Variants in B3GALT1 observed in about 807,000 individuals in gnomAD.
B3GALT1 encodes the protein UDP-Gal:betaGlcNAc beta 1,3-galactosyltransferase, polypeptide 1.
A neutral mutation model predicts 23.2 loss-of-function variants in B3GALT1; 10 were observed. The ratio of observed to expected loss-of-function variants is 0.43; its 90% CI spans 0.27 to 0.73. B3GALT1 has a LOEUF of 0.73. Among genes scored for constraint, B3GALT1 ranks in the 30% least tolerant of loss-of-function variants. The pLI is 0.21. For missense variants in B3GALT1, 299 were observed against 405.4 expected (o/e 0.74, Z 2.25); for synonymous variants, 156 against 141.5 (o/e 1.10, Z -0.73).
intron 1 of B3GALT1, among the ~76,000 whole-genome samples, chr2:167,488,213 T>C (rs1461581839): frequency 6.6e-6 from 1 of 152,230 alleles, no homozygotes; most frequent in Non-Finnish European, 1.5e-5. Context: ...CACCAATATT[T>C]TCAGCACACA....
chr2:167,406,884 A>G (rs1698287338), intron 1 of B3GALT1, among the ~76,000 whole-genome samples: 1 of 152,160 alleles, frequency 6.6e-6, no homozygotes. Flanking sequence ...TTCAGGACTG[A>G]CAGTACTTCA....
intron 1 of B3GALT1, among the ~76,000 whole-genome samples, chr2:167,350,535 T>C (rs538161459): frequency 6.9e-4 from 105 of 152,296 alleles, no homozygotes; most frequent in Middle Eastern, 3.4e-3. Context: ...ACAGATTGCA[T>C]TGCATGCAGA....
chr2:167,850,163 T>G (rs949171002), intron 4 of B3GALT1, among the ~76,000 whole-genome samples: 3 of 152,078 alleles, frequency 2.0e-5, no homozygotes, highest in African/African-American at 7.2e-5. Context: ...AGGACTAATA[T>G]CCAGAATCTA....
chr2:167,385,287 G>A (rs1016618940), intron 1 of B3GALT1, among the ~76,000 whole-genome samples: 2 of 152,024 alleles, frequency 1.3e-5, no homozygotes, highest in Admixed American at 6.6e-5. Flanking sequence ...CCCACATTCT[G>A]CTTCCCCAAG....
intron 3 of B3GALT1, among the ~76,000 whole-genome samples, chr2:167,680,513 AT>A (rs771909999): frequency 1.3e-4 from 19 of 150,110 alleles, no homozygotes; most frequent in Non-Finnish European, 2.5e-4. Context: ...TAATGACCAA[AT>A]TTTTTTTTTG....
At chr2:167,577,242 A>G (rs947638544) in intron 2 of B3GALT1, among the ~76,000 whole-genome samples, 1 of 151,854 alleles carries the variant, frequency 6.6e-6, no homozygotes, top group Non-Finnish European at 1.5e-5. Context: ...CACCCTACTC[A>G]TCATACTACA....
At chr2:167,443,391 G>A (rs1178472616) in intron 1 of B3GALT1, among the ~76,000 whole-genome samples, 1 of 152,190 alleles carries the variant, frequency 6.6e-6, no homozygotes, top group Non-Finnish European at 1.5e-5. Context: ...CTTTAAAGTA[G>A]TTTCTTCCAA....
chr2:167,308,667 A>AT (rs899555885), intron 1 of B3GALT1, among the ~76,000 whole-genome samples: 26 of 151,740 alleles, frequency 1.7e-4, no homozygotes, highest in African/African-American at 3.9e-4. Flanking sequence ...TTCTTCTAAG[A>AT]TTTTTTTTAA....
chr2:167,844,044 ATATC>A (rs1689705930), intron 4 of B3GALT1, among the ~76,000 whole-genome samples: 1 of 152,236 alleles, frequency 6.6e-6, no homozygotes, highest in Admixed American at 6.5e-5. Flanking sequence ...ATTAGACGAA[ATATC>A]TAATAACAGT....
intron 1 of B3GALT1, among the ~76,000 whole-genome samples, chr2:167,448,301 T>G (rs1175336380): frequency 2.0e-5 from 3 of 152,188 alleles, no homozygotes; most frequent in Admixed American, 2.0e-4. Flanking sequence ...TTTAATCTTT[T>G]GATTATGGTC....
chr2:167,635,150 C>A (rs1472620021), intron 2 of B3GALT1, among the ~76,000 whole-genome samples: 3 of 151,942 alleles, frequency 2.0e-5, no homozygotes, highest in African/African-American at 7.2e-5. Context: ...AATTCAACAC[C>A]CCCTTTATGC....
intron 1 of B3GALT1, among the ~76,000 whole-genome samples, chr2:167,347,047 A>G (rs902648728): frequency 6.6e-6 from 1 of 152,182 alleles, no homozygotes; most frequent in Non-Finnish European, 1.5e-5. Context: ...TAATATCCCA[A>G]TGCAATCATT....
intron 3 of B3GALT1, among the ~76,000 whole-genome samples, chr2:167,734,184 A>G (rs1411982729): frequency 5.3e-5 from 8 of 152,326 alleles, no homozygotes; most frequent in Middle Eastern, 3.4e-3. Context: ...ATTCAGTAAC[A>G]TAAGTCCAGG....
chr2:167,307,734 G>A (rs1696571051), intron 1 of B3GALT1, among the ~76,000 whole-genome samples: 1 of 151,844 alleles, frequency 6.6e-6, no homozygotes, highest in Admixed American at 6.6e-5. Flanking sequence ...GTACTGTTTA[G>A]GGATGTCTCT....
chr2:167,609,935 A>G (rs1370510884), intron 2 of B3GALT1, among the ~76,000 whole-genome samples: 4 of 152,142 alleles, frequency 2.6e-5, no homozygotes, highest in East Asian at 1.9e-4. Flanking sequence ...TTCACTAGAG[A>G]GAAATAGAAA....
rs1689043856 is a variant in B3GALT1, at chr2:167,818,660, G to A, written c.-351-12G>A. On this transcript the variant is annotated splice_polypyrimidine_tract_variant and intron_variant, in intron 3 of 4. Transcript: ENST00000392690. ...ATTTCTAAATTTTTCTCTCTTCTTGGTGTCCACTTAGGGCTACGCAGCTTG... is the reference window on the plus strand; with the variant it reads ...ATTTCTAAATTTTTCTCTCTTCTTGATGTCCACTTAGGGCTACGCAGCTTG... 1.3e-5 allele frequency among the ~76,000 whole-genome samples: 2 copies of A among 151,806 alleles called. No individual in the cohort carries two copies. The highest frequency in any genetic ancestry group is 2.9e-5 in the Non-Finnish European group (2 of 67,984).
chr2:167,374,708 C>T (rs565980406), intron 1 of B3GALT1, among the ~76,000 whole-genome samples: 9 of 151,980 alleles, frequency 5.9e-5, no homozygotes, highest in African/African-American at 2.2e-4. Context: ...TTAGTTTTTG[C>T]TTGTTTAAAT....
At chr2:167,400,721 G>A (rs1341200159) in intron 1 of B3GALT1, among the ~76,000 whole-genome samples, 2 of 152,092 alleles carry the variant, frequency 1.3e-5, no homozygotes, top group East Asian at 1.9e-4. Flanking sequence ...GGAAAGGGCT[G>A]GAGGGAAAAC....
At chr2:167,378,973 T>G (rs1383298527) in intron 1 of B3GALT1, among the ~76,000 whole-genome samples, 2 of 152,206 alleles carry the variant, frequency 1.3e-5, no homozygotes, top group Non-Finnish European at 2.9e-5. Flanking sequence ...ATTATTTTCA[T>G]GTAGACAGGA....
Sources: gnomAD v4.1 joint callset for allele counts (sites outside exome capture counted in the v4.1 genomes callset) on GRCh38, gnomAD v4.1.1 for gene constraint, MANE v1.5 for transcripts, NCBI Gene and HGNC (gene_info 2026-07-23, HGNC 2026-07-21) for gene names.